The following RNF182 variants were observed in gnomAD, a reference collection of about 807,000 sequenced individuals.
RNF182 encodes the protein E3 ubiquitin-protein ligase RNF182.
A neutral mutation model predicts 14.4 loss-of-function variants in RNF182; 15 were observed. The ratio of observed to expected loss-of-function variants is 1.04; its 90% CI spans 0.70 to 1.60. The LOEUF (loss-of-function observed/expected upper bound fraction) is 1.60. RNF182 is among the 40% of genes most tolerant of loss of function. RNF182 has a pLI of 0.00. For missense variants in RNF182, 268 were observed against 294.8 expected (o/e 0.91, Z 0.67); for synonymous variants, 128 against 122.9 (o/e 1.04, Z -0.27).
chr6:13,951,811 ACT>A (rs377509800), intron 1 of RNF182, among the ~76,000 whole-genome samples: 234 of 152,176 alleles, frequency 1.5e-3, no homozygotes, highest in African/African-American at 5.1e-3. Context: ...ATAGGCAAAG[ACT>A]CTCAGTTTTG....
intron 1 of RNF182, among the ~76,000 whole-genome samples, chr6:13,959,541 G>A (rs1030984098): frequency 2.6e-5 from 4 of 152,198 alleles, no homozygotes; most frequent in African/African-American, 7.2e-5. Flanking sequence ...AGAAGGTTCT[G>A]CAATGAACAA....
At chr6:13,928,679 G>C (rs916281556) in intron 1 of RNF182, among the ~76,000 whole-genome samples, 4 of 152,180 alleles carry the variant, frequency 2.6e-5, no homozygotes, top group African/African-American at 9.7e-5. Context: ...CTGGGATCCT[G>C]TTAGGTGATT....
chr6:13,967,203 C>A (rs1760055175), intron 1 of RNF182, among the ~76,000 whole-genome samples: 1 of 151,740 alleles, frequency 6.6e-6, no homozygotes, highest in Admixed American at 6.6e-5. Context: ...CACATACATC[C>A]CAGGCAAATG....
At chr6:13,951,546 T>A (rs911363703) in intron 1 of RNF182, among the ~76,000 whole-genome samples, 3 of 152,198 alleles carry the variant, frequency 2.0e-5, no homozygotes, top group Non-Finnish European at 4.4e-5. Flanking sequence ...TCCCTAAAAG[T>A]ATATGTCCTA....
chr6:13,930,701 G>T (rs931111987), intron 1 of RNF182, among the ~76,000 whole-genome samples: 1 of 152,154 alleles, frequency 6.6e-6, no homozygotes, highest in Admixed American at 6.5e-5. Context: ...AGTTCTGTAG[G>T]TTCTTTTAAT....
At chr6:13,925,102 C>G (rs568469965) in intron 1 of RNF182, 79 bp downstream of exon 1, 8 of 105,922 alleles carry the variant, frequency 7.6e-5, no homozygotes, top group South Asian at 5.3e-4. Context: ...CAGCCAGCCC[C>G]GCAGTCCTGG....
upstream of RNF182, chr6:13,924,604 T>G (rs1381876344): frequency 6.6e-6 from 1 of 151,904 alleles, no homozygotes; most frequent in Non-Finnish European, 1.5e-5. Flanking sequence ...AGGGTGTCTG[T>G]GGGGGGGATG....
chr6:13,931,025 G>C (rs985149749), intron 1 of RNF182, among the ~76,000 whole-genome samples: 41 of 152,012 alleles, frequency 2.7e-4, no homozygotes, highest in African/African-American at 9.2e-4. Context: ...GTTGAGGACT[G>C]CCTGGTGGAG....
intron 2 of RNF182, among the ~76,000 whole-genome samples, chr6:13,975,360 G>A (rs947518907): frequency 6.6e-6 from 1 of 152,194 alleles, no homozygotes; most frequent in African/African-American, 2.4e-5. Context: ...GGAAGGAAAG[G>A]AGAGAGAAGA....
chr6:13,945,124 G>T (rs555770883), intron 1 of RNF182, among the ~76,000 whole-genome samples: 1 of 152,236 alleles, frequency 6.6e-6, no homozygotes, highest in Non-Finnish European at 1.5e-5. Flanking sequence ...TAGTTATAGA[G>T]CCCTGTTATG....
intron 1 of RNF182, among the ~76,000 whole-genome samples, chr6:13,964,827 G>A (rs779756379): frequency 2.8e-4 from 42 of 152,160 alleles, no homozygotes; most frequent in Non-Finnish European, 4.7e-4. Flanking sequence ...AAGAGACCAA[G>A]GAGAAAAATC....
intron 1 of RNF182, among the ~76,000 whole-genome samples, chr6:13,958,287 G>A (rs1759780504): frequency 6.6e-6 from 1 of 152,036 alleles, no homozygotes; most frequent in African/African-American, 2.4e-5. Context: ...TTGGGAGGCT[G>A]AAGCAGGAGA....
At chr6:13,972,670 C>A (rs1464665784) in intron 1 of RNF182, among the ~76,000 whole-genome samples, 2 of 152,184 alleles carry the variant, frequency 1.3e-5, no homozygotes, top group Admixed American at 6.5e-5. Flanking sequence ...AGCCCCAAAC[C>A]TTGGCAGCTT....
chr6:13,928,128 A>G (rs548237824), intron 1 of RNF182, among the ~76,000 whole-genome samples: 12 of 152,358 alleles, frequency 7.9e-5, no homozygotes, highest in African/African-American at 1.9e-4. Context: ...CATGTTTTCA[A>G]TTAAAATGGA....
chr6:13,929,262 A>G (rs1585027865), intron 1 of RNF182, among the ~76,000 whole-genome samples: 1 of 152,314 alleles, frequency 6.6e-6, no homozygotes, highest in African/African-American at 2.4e-5. Context: ...TGTTTGGCCA[A>G]CATATTGTAT....
intron 2 of RNF182, among the ~76,000 whole-genome samples, chr6:13,975,391 A>G (rs1760297265): frequency 6.6e-6 from 1 of 152,148 alleles, no homozygotes; most frequent in Admixed American, 6.5e-5. Flanking sequence ...CTGTCTGTAT[A>G]TCTTTTTTGT....
chr6:13,935,265 G>A lies in RNF182; in HGVS notation c.-367+10242G>A, dbSNP rs148044867. Reference sequence around the variant, plus strand: ...ATTTATGTGATCGATTGATACCATCGTCACTAGACTGTAAGCTCCAACAGG... The same window carrying A: ...ATTTATGTGATCGATTGATACCATCATCACTAGACTGTAAGCTCCAACAGG... On this transcript the variant is annotated intron_variant, in intron 1 of 2. Coordinates refer to ENST00000488300, the MANE Select transcript of RNF182 (RefSeq NM_152737.4). Among the ~76,000 whole-genome samples, 773 of 152,026 alleles carry A rather than the reference G, an allele frequency of 5.1e-3. 7 individuals are homozygous for A. Among genetic ancestry groups the A allele is most frequent in the South Asian group, 0.016 (77 of 4,800 alleles).
In RNF182 at chr6:13,977,890, A is replaced by G. The variant is rs560366951; in HGVS notation, c.*27A>G. The G allele has an allele frequency of 7.6e-6, 12 of 1,588,068 alleles. No individual in the cohort carries two copies. In the African/African-American group the frequency reaches 1.1e-4, roughly 14 times the overall value. On this transcript the variant is annotated 3_prime_UTR_variant, in exon 3 of 3. Coordinates refer to ENST00000488300, the MANE Select transcript of RNF182 (RefSeq NM_152737.4). ...TGATATGCAAAATAAGAAATTGGAC[A>G]CACATTGCCCTGTTTGAGTGTGAAG...
chr6:13,957,579 T>A (rs557379181), intron 1 of RNF182, among the ~76,000 whole-genome samples: 70 of 152,316 alleles, frequency 4.6e-4, no homozygotes, highest in African/African-American at 1.6e-3. Context: ...TCATGAGATG[T>A]TGTAGCCATT....
Sources: gnomAD v4.1 joint callset for allele counts (sites outside exome capture counted in the v4.1 genomes callset) on GRCh38, gnomAD v4.1.1 for gene constraint, MANE v1.5 for transcripts, NCBI Gene and HGNC (gene_info 2026-07-23, HGNC 2026-07-21) for gene names.